ROR2: variants seen among roughly 807,000 people sequenced by gnomAD.
The protein encoded by ROR2 is ROR family WNT receptor 2.
Under a neutral mutation model 74.9 loss-of-function variants are expected in ROR2, and 33 were observed. The ratio of observed to expected loss-of-function variants is 0.44; its 90% CI spans 0.33 to 0.59. The LOEUF (loss-of-function observed/expected upper bound fraction) is 0.59, where lower values mean the gene tolerates loss of function less well. Ranked by LOEUF, ROR2 falls within the 20% of genes least tolerant of loss-of-function variation. The pLI, the probability that ROR2 is intolerant of heterozygous loss-of-function variation, is 0.02. For synonymous variants in ROR2, 586 were observed against 558.7 expected (o/e 1.05, Z -0.69); for missense variants, 1,216 against 1,313.8 (o/e 0.93, Z 1.15).
chr9:91,854,215 G>A (rs1829202927), intron 1 of ROR2, among the ~76,000 whole-genome samples: 1 of 152,212 alleles, frequency 6.6e-6, no homozygotes, highest in Non-Finnish European at 1.5e-5. Context: ...ATTGCTGATA[G>A]CAGGGGGATG....
chr9:91,920,647 G>A (rs578204493), intron 1 of ROR2, among the ~76,000 whole-genome samples: 39 of 152,336 alleles, frequency 2.6e-4, no homozygotes, highest in African/African-American at 8.4e-4. Context: ...GTCTGTCTCA[G>A]GTGCTTCCAG....
At chr9:91,747,495 G>A (rs1243104352) in intron 4 of ROR2, among the ~76,000 whole-genome samples, 1 of 152,178 alleles carries the variant, frequency 6.6e-6, no homozygotes, top group Non-Finnish European at 1.5e-5. Flanking sequence ...TGCACACAGG[G>A]CTAAGCCAAG....
chr9:91,882,965 T>G (rs533311643), intron 1 of ROR2, among the ~76,000 whole-genome samples: 1 of 152,124 alleles, frequency 6.6e-6, no homozygotes, highest in Non-Finnish European at 1.5e-5. Context: ...AGAAAACTAA[T>G]AGAGATATAT....
At chr9:91,814,490 T>A (rs1041911321) in intron 1 of ROR2, among the ~76,000 whole-genome samples, 1 of 152,080 alleles carries the variant, frequency 6.6e-6, no homozygotes, top group Non-Finnish European at 1.5e-5. Context: ...TCTGGCCCCC[T>A]CCATGACTGC....
chr9:91,887,732 G>A (rs181189675), intron 1 of ROR2, among the ~76,000 whole-genome samples: 1 of 151,862 alleles, frequency 6.6e-6, no homozygotes, highest in East Asian at 1.9e-4. Flanking sequence ...GGTATAACGG[G>A]GCGTACAAAT....
intron 2 of ROR2, among the ~76,000 whole-genome samples, chr9:91,758,027 G>A (rs1402151208): frequency 6.6e-6 from 1 of 152,254 alleles, no homozygotes; most frequent in Non-Finnish European, 1.5e-5. Context: ...GTGCCTGGGG[G>A]CCATCATAAA....
chr9:91,791,059 C>T (rs1826957248), intron 1 of ROR2, among the ~76,000 whole-genome samples: 1 of 152,196 alleles, frequency 6.6e-6, no homozygotes, highest in South Asian at 2.1e-4. Context: ...GCCTAAGTGT[C>T]CAGTGTTTAT....
At chr9:91,838,077 T>C (rs540676983) in intron 1 of ROR2, among the ~76,000 whole-genome samples, 23 of 152,318 alleles carry the variant, frequency 1.5e-4, no homozygotes, top group East Asian at 7.7e-4. Flanking sequence ...GGAGTTTATT[T>C]AGGGATTTAC....
chr9:91,724,610 G>A lies in ROR2; in HGVS notation c.1884C>T (p.Asn628=), dbSNP rs766037519. ...TRNVLVYDKL[N]VKISDLGLFR... ...AGAGGCCCAAGTCTGAGATCTTCAC[G>A]TTCAGCTTGTCGTACACTAGCACAT... The change falls in exon 9 of 9, where the codon AAC becomes AAT. Residue 628 remains asparagine, a synonymous_variant. Coordinates refer to ENST00000375708, the MANE Select transcript of ROR2 (RefSeq NM_004560.4). 70 of 1,614,076 alleles carry A rather than the reference G, an allele frequency of 4.3e-5. 1 individual carries two copies. In the South Asian group the frequency reaches 7.2e-4, roughly 17 times the overall value.
chr9:91,848,759 GGGAA>G, intron 1 of ROR2, among the ~76,000 whole-genome samples: 1 of 121,508 alleles, frequency 8.2e-6, no homozygotes, highest in African/African-American at 3.4e-5. Flanking sequence ...CGTCTCAGGG[GGGAA>G]GAAAAAAAAA....
At chr9:91,825,444 A>G (rs1262852265) in intron 1 of ROR2, among the ~76,000 whole-genome samples, 1 of 152,150 alleles carries the variant, frequency 6.6e-6, no homozygotes, top group Non-Finnish European at 1.5e-5. Context: ...ACAGAGTGCA[A>G]TGTACTTGTG....
chr9:91,915,167 C>T lies in ROR2; in HGVS notation c.97+34700G>A, dbSNP rs572780705. ...AGCTGGTCGGAGTTGTCATCCCCAA[C>T]ATGAGGACTCTTAGGTGCAGCGGCC... On this transcript the variant is annotated intron_variant, in intron 1 of 8. Transcript: ENST00000375708. 2.6e-5 allele frequency among the ~76,000 whole-genome samples: 4 copies of T among 152,280 alleles called. No homozygotes were observed. The South Asian group carries it at 6.2e-4, about 24-fold the overall frequency.
chr9:91,792,684 G>A (rs1827041758), intron 1 of ROR2, among the ~76,000 whole-genome samples: 1 of 151,994 alleles, frequency 6.6e-6, no homozygotes, highest in Non-Finnish European at 1.5e-5. Flanking sequence ...TTAATATTAA[G>A]AATATTAAGA....
Position 91,906,535 on chromosome 9 carries a change from T to C in ROR2, c.97+43332A>G, listed in dbSNP as rs576812359. Among the ~76,000 whole-genome samples the C allele has an allele frequency of 1.0e-3, 153 of 152,204 alleles. 1 individual carries two copies. Among genetic ancestry groups the C allele is most frequent in the Non-Finnish European group, 1.7e-3 (117 of 67,996 alleles). ...CTGCAAGCAGAGAATGCCCCTCAAT[T>C]CTCTGACCTTCCAAGAGCCACCTCC... On this transcript the variant is annotated intron_variant, in intron 1 of 8. Coordinates refer to ENST00000375708, the MANE Select transcript of ROR2 (RefSeq NM_004560.4).
intron 1 of ROR2, among the ~76,000 whole-genome samples, chr9:91,785,154 C>T (rs1359699760): frequency 6.6e-6 from 1 of 152,226 alleles, no homozygotes; most frequent in African/African-American, 2.4e-5. Flanking sequence ...TCTCTCCCTC[C>T]CTTAGCTCCA....
At chr9:91,819,454 GTGTA>G (rs547400865) in intron 1 of ROR2, among the ~76,000 whole-genome samples, 137 of 152,014 alleles carry the variant, frequency 9.0e-4, no homozygotes, top group Non-Finnish European at 1.6e-3. Flanking sequence ...GTGTGTGTCT[GTGTA>G]TGTGTCTGTG....
chr9:91,838,836 T>C (rs1344525709), intron 1 of ROR2, among the ~76,000 whole-genome samples: 3 of 152,176 alleles, frequency 2.0e-5, no homozygotes, highest in Non-Finnish European at 4.4e-5. Context: ...AGTGCTCCAT[T>C]CTGGAGTTTT....
intron 1 of ROR2, among the ~76,000 whole-genome samples, chr9:91,810,470 A>G (rs902889063): frequency 1.3e-5 from 2 of 152,112 alleles, no homozygotes; most frequent in African/African-American, 4.8e-5. Flanking sequence ...CTTGTAAGAC[A>G]CGATCATCTA....
At chr9:91,890,416 T>C (rs113865576) in intron 1 of ROR2, among the ~76,000 whole-genome samples, 46 of 152,370 alleles carry the variant, frequency 3.0e-4, no homozygotes, top group African/African-American at 1.1e-3. Context: ...CCTTTTGGGA[T>C]TTTGATTAAC....
Sources: allele counts gnomAD v4.1 joint callset (sites outside exome capture counted in the v4.1 genomes callset), GRCh38; gene constraint gnomAD v4.1.1; transcripts MANE v1.5; gene names NCBI Gene and HGNC (gene_info 2026-07-23, HGNC 2026-07-21).